TCERG1L: variants seen among roughly 807,000 people sequenced by gnomAD.
The protein encoded by TCERG1L is transcription elongation regulator 1-like protein.
A neutral mutation model predicts 56.3 loss-of-function variants in TCERG1L; 37 were observed. The ratio of observed to expected loss-of-function variants is 0.66; its 90% CI spans 0.51 to 0.87. The LOEUF is 0.87. Ranked by LOEUF, TCERG1L falls within the 40% of genes least tolerant of loss-of-function variation. The pLI is 0.00. For synonymous variants in TCERG1L, 324 were observed against 326.3 expected (o/e 0.99, Z 0.08); for missense variants, 799 against 774.2 (o/e 1.03, Z -0.38).
At chr10:131,114,218 A>G (rs1845433747) in intron 9 of TCERG1L, among the ~76,000 whole-genome samples, 1 of 142,342 alleles carries the variant, frequency 7.0e-6, no homozygotes, top group African/African-American at 2.5e-5. Context: ...AATCTTATTA[A>G]TCACTCAGTC....
At chr10:131,226,918 G>A (rs879585124) in intron 4 of TCERG1L, among the ~76,000 whole-genome samples, 18 of 152,190 alleles carry the variant, frequency 1.2e-4, no homozygotes, top group Non-Finnish European at 2.5e-4. Context: ...AGCAGAATGT[G>A]CGGGCCCTCC....
chr10:131,213,427 C>T (rs948995678), intron 4 of TCERG1L, among the ~76,000 whole-genome samples: 16 of 152,170 alleles, frequency 1.1e-4, no homozygotes, highest in African/African-American at 2.9e-4. Flanking sequence ...GCACCAGAAC[C>T]GGATATTAGG....
intron 3 of TCERG1L, among the ~76,000 whole-genome samples, chr10:131,300,790 C>T (rs1044753755): frequency 2.0e-5 from 3 of 150,670 alleles, no homozygotes; most frequent in Admixed American, 1.3e-4. Context: ...TTATTAAGTG[C>T]TAGGCATCAT....
Position 131,308,292 on chromosome 10 carries a change from G to T in TCERG1L, c.589C>A (p.Gln197Lys), listed in dbSNP as rs1483915149. 2 of 1,613,970 alleles carry T rather than the reference G, an allele frequency of 1.2e-6. No homozygotes were observed. The change falls in exon 3 of 12, where the codon CAA (glutamine) becomes AAA (lysine). Residue 197 changes from glutamine (Q) to lysine (K), a missense_variant. By Grantham distance (53) the Gln-to-Lys change is moderately conservative. Transcript: ENST00000368642. ...GHEKPRLLAN[Q>K]VAVSLSRPAP... is the part of the protein sequence containing the mutation. ...GGCCTGGACAGAGACACAGCTACTT[G>T]ATTTGCCAGCAAACGAGGCTTTTCA... is the stretch of plus-strand genomic sequence containing the variant.
At chr10:131,143,249 A>C (rs1194123241) in intron 7 of TCERG1L, among the ~76,000 whole-genome samples, 1 of 152,162 alleles carries the variant, frequency 6.6e-6, no homozygotes, top group Non-Finnish European at 1.5e-5. Context: ...TGGGGGTTGC[A>C]CGCACCCAGG....
intron 6 of TCERG1L, chr10:131,161,680 C>G (rs1845978868): frequency 6.6e-6 from 1 of 152,184 alleles, no homozygotes; most frequent in Admixed American, 6.5e-5. Flanking sequence ...CCAGAAACAC[C>G]AACCACGTGA....
In TCERG1L at chr10:131,093,331, G is replaced by T; in HGVS notation, c.1605-13C>A. ...CTTAAACGTGGTCCTGAAAAAGAAA[G>T]AGTTTCCTGAGACACCTTCCAGAGA... On this transcript the variant is annotated splice_polypyrimidine_tract_variant and intron_variant, in intron 11 of 11. Transcript: ENST00000368642. 6.3e-7 allele frequency: 1 copy of T among 1,589,396 alleles called. No individual in the cohort carries two copies.
intron 4 of TCERG1L, among the ~76,000 whole-genome samples, chr10:131,241,048 G>A (rs951552147): frequency 6.6e-6 from 1 of 152,194 alleles, no homozygotes; most frequent in Non-Finnish European, 1.5e-5. Context: ...CGCAGCAAGA[G>A]CGGAAGATTG....
intron 3 of TCERG1L, among the ~76,000 whole-genome samples, chr10:131,299,951 T>C (rs1010568526): frequency 1.6e-4 from 24 of 152,270 alleles, no homozygotes; most frequent in Middle Eastern, 3.4e-3. Flanking sequence ...CAGAAAAATA[T>C]ATATTTTACC....
At chr10:131,207,222 G>T (rs1845543968) in intron 4 of TCERG1L, among the ~76,000 whole-genome samples, 2 of 131,312 alleles carry the variant, frequency 1.5e-5, no homozygotes, top group South Asian at 5.3e-4. Context: ...TCCAGGCACA[G>T]CGTGATTCCA....
At chr10:131,237,359 C>G (rs1845923464) in intron 4 of TCERG1L, among the ~76,000 whole-genome samples, 1 of 152,126 alleles carries the variant, frequency 6.6e-6, no homozygotes, top group African/African-American at 2.4e-5. Flanking sequence ...ACTCACAGAC[C>G]TCATGCCCGG....
At chr10:131,242,176 GA>G (rs1421043885) in intron 4 of TCERG1L, among the ~76,000 whole-genome samples, 55 of 152,284 alleles carry the variant, frequency 3.6e-4, no homozygotes, top group African/African-American at 1.3e-3. Context: ...TACATTCGGG[GA>G]ACGTGGCTCC....
rs1028814402 is a variant in TCERG1L, at chr10:131,094,334, ATTC to A, written c.1605-1019_1605-1017del. ...AATGTGGACATTCTTTGTCCGGGGG[ATTC>A]TTCTTATTCCCTCCCACTTCTCCTT... is the stretch of plus-strand genomic sequence containing the variant. On this transcript the variant is annotated intron_variant, in intron 11 of 11. Transcript: ENST00000368642. Among the ~76,000 whole-genome samples the A allele has an allele frequency of 7.9e-5, 12 of 152,182 alleles. No individual in the cohort carries two copies. In the South Asian group the frequency reaches 1.2e-3, roughly 16 times the overall value.
intron 4 of TCERG1L, among the ~76,000 whole-genome samples, chr10:131,203,749 C>T (rs1487786985): frequency 6.6e-6 from 1 of 152,158 alleles, no homozygotes; most frequent in Non-Finnish European, 1.5e-5. Flanking sequence ...GCTCACATCC[C>T]GCCGGCGAGC....
At chr10:131,174,685 CT>C (rs1173738816) in intron 4 of TCERG1L, among the ~76,000 whole-genome samples, 1 of 152,216 alleles carries the variant, frequency 6.6e-6, no homozygotes, top group African/African-American at 2.4e-5. Context: ...AGTTGACAAG[CT>C]GCAGAGAATT....
chr10:131,309,771 C>G (rs1171092232), intron 1 of TCERG1L, among the ~76,000 whole-genome samples: 1 of 130,134 alleles, frequency 7.7e-6, no homozygotes, highest in Non-Finnish European at 1.6e-5. Flanking sequence ...ATGAAAATAT[C>G]TAGGAAGTTA....
intron 4 of TCERG1L, among the ~76,000 whole-genome samples, chr10:131,235,997 C>T (rs995841103): frequency 1.3e-5 from 2 of 152,198 alleles, no homozygotes; most frequent in Admixed American, 6.5e-5. Context: ...AAACAGTGCC[C>T]GCTACATGAG....
At chr10:131,226,786 G>A (rs960221644) in intron 4 of TCERG1L, among the ~76,000 whole-genome samples, 6 of 152,264 alleles carry the variant, frequency 3.9e-5, no homozygotes, top group East Asian at 1.9e-4. Flanking sequence ...GGAACAAAAC[G>A]GGATCCTGTT....
At chr10:131,202,035 T>C (rs1349837545) in intron 4 of TCERG1L, among the ~76,000 whole-genome samples, 1 of 152,222 alleles carries the variant, frequency 6.6e-6, no homozygotes, top group Non-Finnish European at 1.5e-5. Context: ...AAAGGTCCCA[T>C]GGACAGAACT....
Sources: gnomAD v4.1 joint callset for allele counts (sites outside exome capture counted in the v4.1 genomes callset) on GRCh38, gnomAD v4.1.1 for gene constraint, MANE v1.5 for transcripts, NCBI Gene and HGNC (gene_info 2026-07-23, HGNC 2026-07-21) for gene names.